The following KLRG2 variants were observed in gnomAD, a reference collection of about 807,000 sequenced individuals.
KLRG2 encodes killer cell lectin like receptor G2, also known as killer cell lectin-like receptor subfamily G member 2.
A neutral mutation model predicts 35.4 loss-of-function variants in KLRG2; 39 were observed. The observed-to-expected ratio is 1.10, with a 90% CI of 0.85 to 1.44. The LOEUF (loss-of-function observed/expected upper bound fraction) is 1.44. Among genes scored for constraint, KLRG2 ranks in the 40% most tolerant of loss-of-function variants. The probability of loss-of-function intolerance (pLI) is 0.00; values close to 1 mark genes in which losing one functional copy is unlikely to be tolerated. For missense variants in KLRG2, 632 were observed against 570.9 expected, an observed-to-expected ratio of 1.11 and a Z score of -1.09; for synonymous variants, 283 against 265.8, an observed-to-expected ratio of 1.06 and a Z score of -0.63.
downstream of KLRG2, among the ~76,000 whole-genome samples, chr7:139,449,279 A>G (rs1221999843): frequency 2.1e-5 from 3 of 141,618 alleles, no homozygotes; most frequent in South Asian, 2.3e-4. Flanking sequence ...GCGGGCACCT[A>G]TAATCCCAGC....
At chr7:139,474,507 C>T (rs941276007) in intron 3 of KLRG2, among the ~76,000 whole-genome samples, 1 of 152,122 alleles carries the variant, frequency 6.6e-6, no homozygotes, top group Middle Eastern at 3.4e-3. Context: ...ACTTGTAATC[C>T]CAGAACTTTG....
Position 139,483,199 on chromosome 7 carries a change from C to T in KLRG2, c.444G>A (p.Thr148=), listed in dbSNP as rs1371898767. 24 of 1,517,014 alleles carry T rather than the reference C, an allele frequency of 1.6e-5. No homozygotes were observed. Among genetic ancestry groups the T allele is most frequent in the Non-Finnish European group, 2.0e-5 (23 of 1,141,520 alleles). The allele number at this position is 1,517,014 out of a possible 1,614,324, so 94.0% of individuals were successfully genotyped here. Residue 148 remains threonine (T), a synonymous_variant, in exon 1 of 5, where the codon ACG becomes ACA. Transcript: ENST00000340940. ...GSSTPSPRPS[T]RFLKVPVPES... ...CGGGCACCGGCACCTTGAGGAAGCG[C>T]GTGGAGGGCCTGGGCGATGGCGTGC...
chr7:139,443,674 G>T, the KLRG2 span, among the ~76,000 whole-genome samples: 145 of 152,210 alleles, frequency 9.5e-4, 1 homozygote, highest in African/African-American at 3.3e-3. Context: ...CGATTCTCCT[G>T]CCTCAGCCTC....
chr7:139,471,610 G>A (rs1034494889), intron 3 of KLRG2, among the ~76,000 whole-genome samples: 1 of 151,954 alleles, frequency 6.6e-6, no homozygotes, highest in Non-Finnish European at 1.5e-5. Context: ...GCAGTGAGCC[G>A]AGATCGTGCC....
At chr7:139,449,948 G>A (rs1234486808), downstream of KLRG2, among the ~76,000 whole-genome samples, 13 of 151,682 alleles carry the variant, frequency 8.6e-5, no homozygotes, top group Admixed American at 2.6e-4. Context: ...TGATCCGCCC[G>A]CCTCGGCCTC....
At chr7:139,471,203 G>A (rs890337077) in intron 3 of KLRG2, among the ~76,000 whole-genome samples, 1 of 152,008 alleles carries the variant, frequency 6.6e-6, no homozygotes, top group Non-Finnish European at 1.5e-5. Context: ...CCTGGAAGTA[G>A]GTATTCCAAA....
In KLRG2 at chr7:139,483,348, C is replaced by A; in HGVS notation, c.295G>T (p.Ala99Ser). ...CCATTCCGGGGCAGCTTGACCAAGG[C>A]AGGGCCCGGTGACGGCGGCTCGGGG... is the stretch of plus-strand genomic sequence containing the variant. ...VCPEPPSPGP[A>S]LVKLPRNGEA... is the part of the protein sequence containing the mutation. The change falls in exon 1 of 5, where the codon GCC (alanine) becomes TCC (serine). Residue 99 changes from alanine to serine, a missense_variant. Coordinates refer to ENST00000340940, the MANE Select transcript of KLRG2 (RefSeq NM_198508.4). The A allele has an allele frequency of 1.3e-6, 2 of 1,543,138 alleles. No individual in the cohort carries two copies. Among genetic ancestry groups the A allele is most frequent in the Non-Finnish European group, 8.7e-7 (1 of 1,154,618 alleles).
chr7:139,467,915 A>C (rs552392200), intron 3 of KLRG2, among the ~76,000 whole-genome samples: 1 of 152,126 alleles, frequency 6.6e-6, no homozygotes, highest in Non-Finnish European at 1.5e-5. Context: ...CCTGCTCGTC[A>C]CTGGGCAATG....
Position 139,453,540 on chromosome 7 carries a change from G to C in KLRG2, c.*47C>G, listed in dbSNP as rs756859233. On this transcript the variant is annotated 3_prime_UTR_variant, in exon 5 of 5. Coordinates refer to ENST00000340940, the MANE Select transcript of KLRG2 (RefSeq NM_198508.4). ...AGCTCTCAACTGGCCTCCCCTGTAG[G>C]GGGTGCTGCATCTGCCTGGCAGGCT... is the stretch of plus-strand genomic sequence containing the variant. 1.7e-5 allele frequency: 26 copies of C among 1,556,886 alleles called. No homozygotes were observed. In the Admixed American group the frequency reaches 2.3e-4, roughly 14 times the overall value.
At chr7:139,427,475 A>T in the KLRG2 span, among the ~76,000 whole-genome samples, 4 of 152,256 alleles carry the variant, frequency 2.6e-5, no homozygotes, top group African/African-American at 7.2e-5. Flanking sequence ...TGGTGCCAGC[A>T]TCAAAATCTG....
chr7:139,462,670 G>A (rs1222082894), intron 3 of KLRG2, among the ~76,000 whole-genome samples: 5 of 152,080 alleles, frequency 3.3e-5, no homozygotes, highest in African/African-American at 7.2e-5. Context: ...GCCAGAAAAC[G>A]GCACTTTCGA....
chr7:139,434,272 G>A, the KLRG2 span, among the ~76,000 whole-genome samples: 29 of 152,204 alleles, frequency 1.9e-4, no homozygotes, highest in Non-Finnish European at 4.0e-4. Context: ...GAGCTCAAAT[G>A]TGGCCACAGT....
chr7:139,451,046 C>T (rs892336179), downstream of KLRG2, among the ~76,000 whole-genome samples: 2 of 152,130 alleles, frequency 1.3e-5, no homozygotes, highest in East Asian at 1.9e-4. Flanking sequence ...GAGCCTGCAC[C>T]GCATTGCTGG....
chr7:139,440,039 C>T, the KLRG2 span, among the ~76,000 whole-genome samples: 1 of 152,090 alleles, frequency 6.6e-6, no homozygotes, highest in Non-Finnish European at 1.5e-5. Flanking sequence ...CATCAGGCAT[C>T]CCTTGGCTGT....
chr7:139,456,540 T>C (rs554643045), intron 3 of KLRG2, among the ~76,000 whole-genome samples: 3 of 152,208 alleles, frequency 2.0e-5, no homozygotes, highest in African/African-American at 4.8e-5. Context: ...TTAGTAGAGA[T>C]GGGGTTTCAC....
chr7:139,439,160 C>T, the KLRG2 span, among the ~76,000 whole-genome samples: 1 of 152,198 alleles, frequency 6.6e-6, no homozygotes, highest in East Asian at 1.9e-4. Flanking sequence ...TAATGTCTAT[C>T]AACTGGTGAA....
chr7:139,481,144 C>T (rs981202799), intron 1 of KLRG2, among the ~76,000 whole-genome samples: 7 of 152,078 alleles, frequency 4.6e-5, no homozygotes, highest in Admixed American at 1.3e-4. Flanking sequence ...TAGAGAAGGG[C>T]TTGACCTAAG....
chr7:139,450,124 C>A (rs971229280), downstream of KLRG2, among the ~76,000 whole-genome samples: 3 of 149,984 alleles, frequency 2.0e-5, no homozygotes, highest in Admixed American at 6.7e-5. Flanking sequence ...CTCACTGCAA[C>A]CTCTGCCTCC....
chr7:139,428,880 C>G, the KLRG2 span, among the ~76,000 whole-genome samples: 3 of 152,094 alleles, frequency 2.0e-5, no homozygotes, highest in East Asian at 3.8e-4. Flanking sequence ...TTAAATAGTT[C>G]AACAATTTGA....
Sources: gnomAD v4.1 joint callset for allele counts (sites outside exome capture counted in the v4.1 genomes callset) on GRCh38, gnomAD v4.1.1 for gene constraint, MANE v1.5 for transcripts, NCBI Gene and HGNC (gene_info 2026-07-23, HGNC 2026-07-21) for gene names.